Variants in ZNF730 observed in about 807,000 individuals in gnomAD.
The protein encoded by ZNF730 is zinc finger protein 730, also known as putative zinc finger protein 730.
In ZNF730, 12 loss-of-function variants were observed where a neutral mutation model predicts 12.6. The ratio of observed to expected loss-of-function variants is 0.95; its 90% CI spans 0.61 to 1.54. The LOEUF (loss-of-function observed/expected upper bound fraction) is 1.54, where lower values mean the gene tolerates loss of function less well. Among genes scored for constraint, ZNF730 ranks in the 40% most tolerant of loss-of-function variants. The probability of loss-of-function intolerance (pLI) is 0.00; values close to 1 mark genes in which losing one functional copy is unlikely to be tolerated. For synonymous variants in ZNF730, 194 were observed against 195.8 expected, an observed-to-expected ratio of 0.99 and a Z score of 0.08; for missense variants, 643 against 583.5, an observed-to-expected ratio of 1.10 and a Z score of -1.05.
At chr19:23,075,817 T>C (rs1004189540) in intron 1 of ZNF730, among the ~76,000 whole-genome samples, 1 of 151,980 alleles carries the variant, frequency 6.6e-6, no homozygotes, top group Non-Finnish European at 1.5e-5. Context: ...TCGGTTTCTG[T>C]AAGCTCCGTC....
At chr19:23,080,797 T>C (rs73555466) in intron 1 of ZNF730, among the ~76,000 whole-genome samples, 1,971 of 152,188 alleles carry the variant, frequency 0.013, 51 homozygotes, top group African/African-American at 0.045. Flanking sequence ...AGATTTTATG[T>C]TAAAGCCTTA....
chr19:23,077,383 T>C (rs1679217751), intron 1 of ZNF730, among the ~76,000 whole-genome samples: 1 of 151,006 alleles, frequency 6.6e-6, no homozygotes, highest in African/African-American at 2.4e-5. Context: ...GGTGTAGGTT[T>C]TTTAAAAATT....
chr19:23,128,505 A>G (rs763726647), intron 1 of ZNF730: 24 of 295,332 alleles, frequency 8.1e-5, no homozygotes, highest in Non-Finnish European at 1.5e-4. Context: ...AAAGAAGGCA[A>G]GCTTCCTCAG....
At chr19:23,091,489 C>T (rs1192736208) in intron 1 of ZNF730, among the ~76,000 whole-genome samples, 1 of 152,112 alleles carries the variant, frequency 6.6e-6, no homozygotes, top group Admixed American at 6.5e-5. Flanking sequence ...TGCAGACACT[C>T]AATGCCAGCC....
At chr19:23,128,515 G>C (rs1175589688) in intron 1 of ZNF730, 3 of 279,832 alleles carry the variant, frequency 1.1e-5, no homozygotes, top group Non-Finnish European at 2.1e-5. Flanking sequence ...AGCTTCCTCA[G>C]AGCTCAGGAG....
chr19:23,095,216 G>A (rs914835625), intron 1 of ZNF730: 1 of 395,752 alleles, frequency 2.5e-6, no homozygotes, highest in East Asian at 3.6e-5. Context: ...ATATCACTGG[G>A]TCTTGTACCC....
chr19:23,141,693 T>G (rs1306800356), intron 3 of ZNF730, among the ~76,000 whole-genome samples: 8 of 152,222 alleles, frequency 5.3e-5, no homozygotes, highest in Admixed American at 5.2e-4. Flanking sequence ...TCATTCCATT[T>G]TGGTCATATA....
At chr19:23,093,110 C>G (rs1423487921) in intron 1 of ZNF730, among the ~76,000 whole-genome samples, 1 of 152,094 alleles carries the variant, frequency 6.6e-6, no homozygotes. Flanking sequence ...TCTGCCTCAG[C>G]CTCTTACAGG....
At chr19:23,137,035 T>G (rs1970843363) in intron 3 of ZNF730, among the ~76,000 whole-genome samples, 1 of 152,090 alleles carries the variant, frequency 6.6e-6, no homozygotes, top group Non-Finnish European at 1.5e-5. Flanking sequence ...CCGGACGTGG[T>G]GGCAGGCACC....
At chr19:23,079,318 C>T (rs1969924027) in intron 1 of ZNF730, among the ~76,000 whole-genome samples, 4 of 152,052 alleles carry the variant, frequency 2.6e-5, no homozygotes, top group South Asian at 4.2e-4. Flanking sequence ...CCACCACGCC[C>T]AGCTTATTTT....
intron 3 of ZNF730, chr19:23,143,498 A>T (rs954134730): frequency 2.0e-5 from 3 of 152,120 alleles, no homozygotes; most frequent in Non-Finnish European, 2.9e-5. Context: ...ATGTATGTGC[A>T]TATTTTTCTC....
intron 2 of ZNF730, among the ~76,000 whole-genome samples, chr19:23,135,334 C>G (rs1022283450): frequency 1.4e-4 from 20 of 141,546 alleles, no homozygotes; most frequent in Non-Finnish European, 3.0e-4. Context: ...CTTTCCTGAG[C>G]TGATTTGTTT....
Position 23,146,199 on chromosome 19 carries a change from A to T in ZNF730, c.1155A>T (p.Ile385=), listed in dbSNP as rs1246490102. 4 of 1,609,942 alleles carry T rather than the reference A, an allele frequency of 2.5e-6. No individual in the cohort carries two copies. The South Asian group carries it at 4.4e-5, about 18-fold the overall frequency. Residue 385 remains isoleucine (I), a synonymous_variant, in exon 4 of 4, where the codon ATA becomes ATT. Transcript: ENST00000597761. ...KAFNQSSTLT[I]HKIIHTVEKF... is the part of the protein sequence containing the mutation. ...TTAACCAATCCTCAACTCTTACTAT[A>T]CATAAGATAATTCATACTGTAGAGA... is the stretch of plus-strand genomic sequence containing the variant.
intron 1 of ZNF730, among the ~76,000 whole-genome samples, chr19:23,088,480 A>G (rs927208194): frequency 1.3e-5 from 2 of 151,722 alleles, no homozygotes; most frequent in African/African-American, 4.8e-5. Context: ...GTTTTTCTCC[A>G]GATGGTGTCT....
chr19:23,090,891 G>T (rs1970147565), intron 1 of ZNF730, among the ~76,000 whole-genome samples: 1 of 152,112 alleles, frequency 6.6e-6, no homozygotes, highest in Non-Finnish European at 1.5e-5. Flanking sequence ...CAGCTACTCA[G>T]GAGGCTGAGG....
chr19:23,114,324 T>TTTTTG (rs1970491501), upstream of ZNF730, among the ~76,000 whole-genome samples: 1 of 139,308 alleles, frequency 7.2e-6, no homozygotes, highest in Non-Finnish European at 1.6e-5. Context: ...TTTTTTTTTT[T>TTTTTG]GAGACGGAGT....
chr19:23,116,065 G>T (rs1354052883), upstream of ZNF730, among the ~76,000 whole-genome samples: 1 of 152,200 alleles, frequency 6.6e-6, no homozygotes, highest in Non-Finnish European at 1.5e-5. Flanking sequence ...CTTAGTCCCC[G>T]CACGCACAGG....
chr19:23,114,890 ATCC>A (rs1343694186), upstream of ZNF730, among the ~76,000 whole-genome samples: 2 of 152,140 alleles, frequency 1.3e-5, no homozygotes, highest in African/African-American at 4.8e-5. Flanking sequence ...TACTCAAGCC[ATCC>A]TCCTGCCCTA....
chr19:23,092,011 G>C (rs536475319), intron 1 of ZNF730, among the ~76,000 whole-genome samples: 1 of 152,130 alleles, frequency 6.6e-6, no homozygotes, highest in African/African-American at 2.4e-5. Context: ...CAGAAGTCCC[G>C]TGTTTTGTGG....
Sources: gnomAD v4.1 joint callset for allele counts (sites outside exome capture counted in the v4.1 genomes callset) on GRCh38, gnomAD v4.1.1 for gene constraint, MANE v1.5 for transcripts, NCBI Gene and HGNC (gene_info 2026-07-23, HGNC 2026-07-21) for gene names.